GRIN2B: variants seen among roughly 807,000 people sequenced by gnomAD.
The protein encoded by GRIN2B is glutamate ionotropic receptor NMDA type subunit 2B.
A neutral mutation model predicts 114.5 loss-of-function variants in GRIN2B; 5 were observed. The observed-to-expected ratio is 0.04, with a 90% CI of 0.02 to 0.09. GRIN2B has a LOEUF of 0.09. Ranked by LOEUF, GRIN2B falls within the 10% of genes least tolerant of loss-of-function variation. The pLI is 1.00. For missense variants in GRIN2B, 1,108 were observed against 1,943.5 expected (o/e 0.57, Z 8.08); for synonymous variants, 787 against 745.1 (o/e 1.06, Z -0.92).
intron 2 of GRIN2B, among the ~76,000 whole-genome samples, chr12:13,903,243 C>T (rs1259083337): frequency 6.6e-6 from 1 of 151,944 alleles, no homozygotes; most frequent in African/African-American, 2.4e-5. Context: ...TTTATTCTTA[C>T]TCTCATCTTG....
At chr12:13,760,644 G>A (rs1283111267) in intron 3 of GRIN2B, among the ~76,000 whole-genome samples, 1 of 152,184 alleles carries the variant, frequency 6.6e-6, no homozygotes, top group Non-Finnish European at 1.5e-5. Flanking sequence ...GGCTTTCCCT[G>A]AGACTTTCTC....
chr12:13,697,755 G>A (rs1225556519), intron 4 of GRIN2B, among the ~76,000 whole-genome samples: 1 of 152,090 alleles, frequency 6.6e-6, no homozygotes, highest in African/African-American at 2.4e-5. Flanking sequence ...CTGTACTTTT[G>A]TGTGCATTTC....
At position 13,726,548 on chromosome 12, in the gene GRIN2B, A is replaced by G. The variant is rs1482696781; in HGVS notation, c.1010+26769T>C. Reference sequence around the variant, plus strand: ...AGACTCTGTCAAAAAAAAGAAAGAAATATATATATATATTTATATATTATA... The same window carrying G: ...AGACTCTGTCAAAAAAAAGAAAGAAGTATATATATATATTTATATATTATA... On this transcript the variant is annotated intron_variant, in intron 4 of 13. Coordinates refer to ENST00000609686, the MANE Select transcript of GRIN2B (RefSeq NM_000834.5). Among the ~76,000 whole-genome samples the G allele has an allele frequency of 2.0e-5, 3 of 147,158 alleles. No individual in the cohort carries two copies. The East Asian group carries it at 5.9e-4, about 29-fold the overall frequency.
At chr12:13,881,065 AGTAT>A (rs146388524) in intron 2 of GRIN2B, among the ~76,000 whole-genome samples, 1,833 of 152,298 alleles carry the variant, frequency 0.012, 37 homozygotes, top group African/African-American at 0.041. Context: ...TGCACACGAG[AGTAT>A]GTATAAAAAA....
chr12:13,898,111 A>G (rs969956798), intron 2 of GRIN2B, among the ~76,000 whole-genome samples: 4 of 152,138 alleles, frequency 2.6e-5, no homozygotes, highest in Non-Finnish European at 4.4e-5. Context: ...GAAAAGAAAC[A>G]ATGACAGTGA....
At chr12:13,871,261 TA>T (rs1865901785) in intron 2 of GRIN2B, among the ~76,000 whole-genome samples, 1 of 151,882 alleles carries the variant, frequency 6.6e-6, no homozygotes, top group East Asian at 1.9e-4. Context: ...ATATTAAATC[TA>T]CAAAAATACA....
chr12:13,763,338 T>G (rs1863716890), intron 3 of GRIN2B, among the ~76,000 whole-genome samples: 1 of 152,184 alleles, frequency 6.6e-6, no homozygotes, highest in Admixed American at 6.5e-5. Flanking sequence ...GGTTCAGACA[T>G]GGCCACCCAG....
chr12:13,899,433 G>A (rs532352801), intron 2 of GRIN2B, among the ~76,000 whole-genome samples: 1 of 106,208 alleles, frequency 9.4e-6, no homozygotes, highest in Non-Finnish European at 2.7e-5. Context: ...GGGCAATCGG[G>A]GAGGTACCTT....
intron 5 of GRIN2B, among the ~76,000 whole-genome samples, chr12:13,619,795 A>G (rs10772697): frequency 0.96 from 146,597 of 152,278 alleles, 70,792 homozygotes; most frequent in East Asian, 1. Context: ...GCTACAGAGG[A>G]GTTTGATGAC....
intron 3 of GRIN2B, among the ~76,000 whole-genome samples, chr12:13,779,008 G>A (rs537922053): frequency 1.3e-5 from 2 of 151,858 alleles, no homozygotes. Context: ...TTTCCTTAAC[G>A]CGACCCAACC....
At chr12:13,875,191 A>C (rs1472387392) in intron 2 of GRIN2B, among the ~76,000 whole-genome samples, 1 of 152,098 alleles carries the variant, frequency 6.6e-6, no homozygotes, top group Admixed American at 6.5e-5. Flanking sequence ...CACATCCTGC[A>C]TATGTACCCC....
chr12:13,968,980 C>T (rs1269026685), intron 2 of GRIN2B, among the ~76,000 whole-genome samples: 2 of 152,172 alleles, frequency 1.3e-5, no homozygotes, highest in Non-Finnish European at 2.9e-5. Flanking sequence ...TTGTTCCTTC[C>T]CTCTTAGAGG....
intron 3 of GRIN2B, among the ~76,000 whole-genome samples, chr12:13,809,658 A>G (rs562655110): frequency 2.5e-4 from 38 of 152,322 alleles, no homozygotes; most frequent in African/African-American, 8.7e-4. Flanking sequence ...GAGGAAAAAA[A>G]GAAAGAAATC....
intron 5 of GRIN2B, among the ~76,000 whole-genome samples, chr12:13,633,385 C>T (rs997240681): frequency 2.0e-5 from 3 of 152,150 alleles, no homozygotes; most frequent in Non-Finnish European, 4.4e-5. Context: ...GTTTACACAA[C>T]CATTTTCCAA....
chr12:13,918,568 C>G (rs1866769786), intron 2 of GRIN2B, among the ~76,000 whole-genome samples: 1 of 152,064 alleles, frequency 6.6e-6, no homozygotes, highest in Non-Finnish European at 1.5e-5. Flanking sequence ...TCCCTTTTTT[C>G]TGACCCCTTG....
chr12:13,759,890 A>C (rs866309634), intron 3 of GRIN2B, among the ~76,000 whole-genome samples: 1 of 151,998 alleles, frequency 6.6e-6, no homozygotes, highest in Non-Finnish European at 1.5e-5. Flanking sequence ...TGCTCCATGC[A>C]CTCTGATCTG....
chr12:13,750,743 T>C (rs530105551), intron 4 of GRIN2B, among the ~76,000 whole-genome samples: 4 of 152,268 alleles, frequency 2.6e-5, no homozygotes, highest in African/African-American at 9.6e-5. Flanking sequence ...AGAGCAGGTG[T>C]GCACTGAGTC....
intron 3 of GRIN2B, among the ~76,000 whole-genome samples, chr12:13,842,911 GTTTT>G (rs1304142266): frequency 2.0e-5 from 2 of 99,572 alleles, no homozygotes; most frequent in African/African-American, 8.3e-5. Context: ...GTGAAGATTG[GTTTT>G]TCTTTTTTTT....
At chr12:13,841,499 A>G (rs1170480688) in intron 3 of GRIN2B, among the ~76,000 whole-genome samples, 1 of 152,206 alleles carries the variant, frequency 6.6e-6, no homozygotes, top group Non-Finnish European at 1.5e-5. Context: ...ATGATATCCC[A>G]TAGGACCTCA....
Sources: gnomAD v4.1 joint callset for allele counts (sites outside exome capture counted in the v4.1 genomes callset) on GRCh38, gnomAD v4.1.1 for gene constraint, MANE v1.5 for transcripts, NCBI Gene and HGNC (gene_info 2026-07-23, HGNC 2026-07-21) for gene names.